PSME4: variants seen among roughly 807,000 people sequenced by gnomAD.
The protein encoded by PSME4 is proteasome activator complex subunit 4.
In PSME4, 89 loss-of-function variants were observed where a neutral mutation model predicts 253.9. That is an observed-to-expected ratio of 0.35 (90% CI 0.30 to 0.42). The LOEUF (loss-of-function observed/expected upper bound fraction) is 0.42. PSME4 is among the 10% of genes least tolerant of loss of function. PSME4 has a pLI of 1.00. For missense variants in PSME4, 2,014 were observed against 2,195.2 expected, an observed-to-expected ratio of 0.92 and a Z score of 1.65; for synonymous variants, 851 against 759.2, an observed-to-expected ratio of 1.12 and a Z score of -1.99.
intron 41 of PSME4, among the ~76,000 whole-genome samples, chr2:53,876,720 T>TC (rs1679144558): frequency 7.8e-6 from 1 of 128,036 alleles, no homozygotes; most frequent in African/African-American, 3.1e-5. Flanking sequence ...GTCATTCTTT[T>TC]TTTTTTTTTT....
At chr2:53,909,430 T>C (rs1407121197) in intron 21 of PSME4, among the ~76,000 whole-genome samples, 1 of 152,160 alleles carries the variant, frequency 6.6e-6, no homozygotes, top group Non-Finnish European at 1.5e-5. Context: ...AATATTCGTA[T>C]TTACACCAAG....
At chr2:53,923,240 T>C (rs1301711942) in intron 15 of PSME4, 81 bp downstream of exon 15, 13 of 1,487,562 alleles carry the variant, frequency 8.7e-6, no homozygotes, top group South Asian at 2.6e-5. Context: ...ATTTTAAGCA[T>C]AGAAGCACCT....
chr2:53,949,448 CTTT>C (rs77741355), intron 1 of PSME4, among the ~76,000 whole-genome samples, 165 bp from the exon 2 acceptor site: 9 of 139,372 alleles, frequency 6.5e-5, no homozygotes, highest in Admixed American at 7.2e-5. Context: ...GGATTATTGT[CTTT>C]TTTTTTTTTT....
chr2:53,947,429 G>T (rs1669766264), intron 3 of PSME4, among the ~76,000 whole-genome samples: 1 of 152,234 alleles, frequency 6.6e-6, no homozygotes, highest in Admixed American at 6.5e-5. Flanking sequence ...ACACAGGCTG[G>T]GGGTGGTGGC....
intron 3 of PSME4, among the ~76,000 whole-genome samples, chr2:53,940,395 G>A (rs1669336806): frequency 6.6e-6 from 1 of 151,918 alleles, no homozygotes; most frequent in Non-Finnish European, 1.5e-5. Context: ...CCAAAATCTG[G>A]GTGTTTCCAT....
At chr2:53,961,507 A>G (rs753964395) in intron 1 of PSME4, among the ~76,000 whole-genome samples, 1 of 152,170 alleles carries the variant, frequency 6.6e-6, no homozygotes, top group Middle Eastern at 3.2e-3. Flanking sequence ...CTCTACAAAA[A>G]TAAAAATAAA....
intron 17 of PSME4, 92 bp downstream of exon 17, chr2:53,922,425 T>A: frequency 4.5e-6 from 6 of 1,334,316 alleles, no homozygotes; most frequent in Non-Finnish European, 6.3e-6. Flanking sequence ...ACTTTTCATA[T>A]GTTTTAAAGT....
At position 53,897,948 on chromosome 2, in the gene PSME4, T is replaced by C. The variant is rs1216145462; in HGVS notation, c.3528A>G (p.Arg1176=). The C allele has an allele frequency of 6.2e-7, 1 of 1,613,382 alleles. No homozygotes were observed. The highest frequency in any genetic ancestry group is 2.2e-5 in the East Asian group (1 of 44,882). Residue 1176 remains arginine, a synonymous_variant, in exon 31 of 47, where the codon AGA becomes AGG. Coordinates refer to ENST00000404125, the MANE Select transcript of PSME4 (RefSeq NM_014614.3). ...CACGAAGAGGCAACACTCGGTCATC[T>C]CTCAGCAGTAGAGACAGAAGCCCAA... ...IGIGLLSLLL[R]DDRVLPLRAI... is the part of the protein sequence containing the mutation.
chr2:53,871,741 A>G lies in PSME4; in HGVS notation c.5101-2203T>C, dbSNP rs1325066262. On this transcript the variant is annotated intron_variant, in intron 43 of 46. Transcript: ENST00000404125. ...AGCCGGAGGTGGTGATTGGCAGGGC[A>G]TGGTGGCTCACGCCTGTATCCTAGT... Among the ~76,000 whole-genome samples, 3 of 151,630 alleles carry G rather than the reference A, an allele frequency of 2.0e-5. No individual in the cohort carries two copies. In the East Asian group the frequency reaches 5.9e-4, roughly 30 times the overall value.
chr2:53,930,507 C>T (rs1474322846), intron 10 of PSME4, among the ~76,000 whole-genome samples: 1 of 152,138 alleles, frequency 6.6e-6, no homozygotes, highest in Non-Finnish European at 1.5e-5. Context: ...CCTATCTTCC[C>T]CCACTCCATT....
intron 41 of PSME4, among the ~76,000 whole-genome samples, chr2:53,876,796 G>A (rs1679151494): frequency 7.0e-6 from 1 of 143,374 alleles, no homozygotes; most frequent in Admixed American, 7.4e-5. Flanking sequence ...ATGGCTCACT[G>A]TAGCCTCAAC....
At chr2:53,876,295 T>A (rs1679116062) in intron 41 of PSME4, among the ~76,000 whole-genome samples, 1 of 152,040 alleles carries the variant, frequency 6.6e-6, no homozygotes, top group Non-Finnish European at 1.5e-5. Flanking sequence ...TTGCTCTGTA[T>A]TTTTTTTCCT....
At chr2:53,908,733 C>A in intron 22 of PSME4, 51 bp downstream of exon 22, 1 of 1,497,690 alleles carries the variant, frequency 6.7e-7, no homozygotes, top group Non-Finnish European at 9.1e-7. Flanking sequence ...ATTAAAATTC[C>A]AAAATACTTA....
intron 30 of PSME4, 65 bp from the exon 31 acceptor site, chr2:53,898,064 T>G (rs565473225): frequency 6.6e-7 from 1 of 1,511,586 alleles, no homozygotes. Context: ...AAAAACTGTA[T>G]GTGAAACACC....
chr2:53,919,148 T>G lies in PSME4; in HGVS notation c.2516+3A>C, dbSNP rs1292838212. 1 of 1,609,188 alleles carries G rather than the reference T, an allele frequency of 6.2e-7. No individual in the cohort carries two copies. Among genetic ancestry groups the G allele is most frequent in the Non-Finnish European group, 8.5e-7 (1 of 1,178,026 alleles). On this transcript the variant is annotated splice_donor_region_variant and intron_variant, in intron 20 of 46. Transcript: ENST00000404125. ...TAAGTGGAAAACAGTTATTTTTACT[T>G]ACAAGTTAGTAACTGGCTCTCCTTT... is the stretch of plus-strand genomic sequence containing the variant.
chr2:53,905,326 G>A (rs970109022), intron 26 of PSME4, among the ~76,000 whole-genome samples: 11 of 144,818 alleles, frequency 7.6e-5, no homozygotes, highest in Admixed American at 5.5e-4. Flanking sequence ...CACCACACCC[G>A]GCCTCAAACT....
rs377703731 is a variant in PSME4 at position 53,936,894 on chromosome 2, T to C, written c.696-67A>G. 418 of 1,090,910 alleles carry C rather than the reference T, an allele frequency of 3.8e-4. 2 individuals carry two copies. In the Middle Eastern group the frequency reaches 6.1e-3, roughly 16 times the overall value. 67.6% of individuals were successfully genotyped at this position (1,090,910 alleles called of 1,614,324 possible). A position where few individuals can be genotyped will look rare whatever the true frequency, so the allele number is the denominator to read the frequency against. ...AAGTGGTTCAATGCCAGCTATGCTTTGTCTTTTTTATAATCTATTATTCTT... is the reference window on the plus strand; with the variant it reads ...AAGTGGTTCAATGCCAGCTATGCTTCGTCTTTTTTATAATCTATTATTCTT... On this transcript the variant is annotated intron_variant, in intron 5 of 46. Coordinates refer to ENST00000404125, the MANE Select transcript of PSME4 (RefSeq NM_014614.3).
chr2:53,964,021 A>G (rs1670607052), intron 1 of PSME4, among the ~76,000 whole-genome samples: 1 of 152,198 alleles, frequency 6.6e-6, no homozygotes, highest in South Asian at 2.1e-4. Context: ...TTCATAATAA[A>G]AAATATGTAA....
intron 20 of PSME4, among the ~76,000 whole-genome samples, chr2:53,916,166 G>A (rs1174143084): frequency 1.4e-5 from 2 of 145,516 alleles, no homozygotes. Context: ...ACAATTGCTT[G>A]AACCCAGGAG....
Sources: gnomAD v4.1 joint callset for allele counts (sites outside exome capture counted in the v4.1 genomes callset) on GRCh38, gnomAD v4.1.1 for gene constraint, MANE v1.5 for transcripts, NCBI Gene and HGNC (gene_info 2026-07-23, HGNC 2026-07-21) for gene names.